Variants in SSR1 observed in about 807,000 individuals in gnomAD.
SSR1 encodes the protein translocon-associated protein subunit alpha.
In SSR1, 13 loss-of-function variants were observed where a neutral mutation model predicts 36.1. The ratio of observed to expected loss-of-function variants is 0.36; its 90% CI spans 0.23 to 0.57. The LOEUF (loss-of-function observed/expected upper bound fraction) is 0.57. Among genes scored for constraint, SSR1 ranks in the 20% least tolerant of loss-of-function variants. The pLI, the probability that SSR1 is intolerant of heterozygous loss-of-function variation, is 0.81. For missense variants in SSR1, 291 were observed against 338.5 expected (o/e 0.86, Z 1.10); for synonymous variants, 113 against 118.9 (o/e 0.95, Z 0.32).
chr6:7,296,202 T>TA (rs1215727970), intron 6 of SSR1, among the ~76,000 whole-genome samples: 12 of 151,494 alleles, frequency 7.9e-5, no homozygotes, highest in Admixed American at 2.0e-4. Flanking sequence ...AGCCTTGCTT[T>TA]AAAAAAAAAC....
intron 7 of SSR1, among the ~76,000 whole-genome samples, chr6:7,290,254 A>G (rs1426738786): frequency 6.6e-5 from 10 of 152,282 alleles, no homozygotes; most frequent in African/African-American, 2.4e-4. Flanking sequence ...ATGCATAAGT[A>G]AACGCTTAAA....
At chr6:7,306,135 A>AT (rs899201357) in intron 2 of SSR1, among the ~76,000 whole-genome samples, 20 of 150,314 alleles carry the variant, frequency 1.3e-4, no homozygotes, top group East Asian at 3.9e-4. Flanking sequence ...TTAAATAACT[A>AT]TTTTTTTTTT....
intron 7 of SSR1, 84 bp downstream of exon 7, chr6:7,295,308 A>C: frequency 7.9e-7 from 1 of 1,269,240 alleles, no homozygotes; most frequent in Non-Finnish European, 1.1e-6. Flanking sequence ...AGTACTGAAA[A>C]AGTTTTTTTT....
intron 2 of SSR1, 123 bp from the exon 3 acceptor site, chr6:7,303,760 CA>C: frequency 4.7e-6 from 3 of 640,336 alleles, no homozygotes; most frequent in Non-Finnish European, 7.9e-6. Context: ...CCGAGGCAGG[CA>C]GATCACCTGA....
At chr6:7,301,738 T>G (rs1757938792) in intron 3 of SSR1, among the ~76,000 whole-genome samples, 166 bp from the exon 4 acceptor site, 1 of 152,224 alleles carries the variant, frequency 6.6e-6, no homozygotes, top group African/African-American at 2.4e-5. Context: ...TTGGTTCAAG[T>G]TGCTGTATAG....
intron 7 of SSR1, among the ~76,000 whole-genome samples, chr6:7,292,085 G>T (rs903011038): frequency 1.3e-5 from 2 of 152,094 alleles, no homozygotes; most frequent in Non-Finnish European, 2.9e-5. Flanking sequence ...AAAAAAAACA[G>T]ATGTGTAGCT....
chr6:7,313,138 G>GTCCAGTT lies in SSR1; in HGVS notation c.-25_-19dup, dbSNP rs1436737267. The stretch of plus-strand genomic sequence containing the variant: ...AGTCTCATGGCGCTGCCGGTCCAGT[G>GTCCAGTT]TCCAGTTTCCGTCGGCTAAGGCTCT... On this transcript the variant is annotated 5_prime_UTR_variant, in exon 1 of 8. Coordinates refer to ENST00000244763, the MANE Select transcript of SSR1 (RefSeq NM_003144.5). 2.3e-5 allele frequency: 36 copies of GTCCAGTT among 1,596,258 alleles called. No homozygotes were observed. The highest frequency in any genetic ancestry group is 3.0e-5 in the Non-Finnish European group (35 of 1,171,260).
At chr6:7,301,815 A>C (rs1293032844) in intron 3 of SSR1, among the ~76,000 whole-genome samples, 1 of 152,204 alleles carries the variant, frequency 6.6e-6, no homozygotes, top group Non-Finnish European at 1.5e-5. Context: ...TCAATTTCAG[A>C]CCAGATCACA....
At chr6:7,304,637 C>T (rs1758011282) in intron 2 of SSR1, among the ~76,000 whole-genome samples, 2 of 152,152 alleles carry the variant, frequency 1.3e-5, no homozygotes, top group Admixed American at 6.5e-5. Flanking sequence ...TTTTATGATA[C>T]ATAAACTGTA....
At chr6:7,304,288 T>G (rs1408752) in intron 2 of SSR1, among the ~76,000 whole-genome samples, 3 of 152,108 alleles carry the variant, frequency 2.0e-5, no homozygotes, top group Non-Finnish European at 2.9e-5. Flanking sequence ...ATAGCAGATA[T>G]GGCCTTGCAG....
chr6:7,298,146 C>T (rs1289223387), intron 5 of SSR1, 145 bp from the exon 6 acceptor site: 3 of 562,458 alleles, frequency 5.3e-6, no homozygotes, highest in Non-Finnish European at 9.0e-6. Context: ...CAACTTAAAT[C>T]CAGGTAGTTA....
intron 7 of SSR1, among the ~76,000 whole-genome samples, chr6:7,294,844 T>C (rs906026396): frequency 2.0e-5 from 3 of 152,214 alleles, no homozygotes; most frequent in Non-Finnish European, 4.4e-5. Context: ...GAAACATTTC[T>C]ATATTCTTTT....
At chr6:7,299,901 A>G (rs2113286952) in intron 4 of SSR1, among the ~76,000 whole-genome samples, 1 of 152,256 alleles carries the variant, frequency 6.6e-6, no homozygotes, top group South Asian at 2.1e-4. Flanking sequence ...TTATTGCTAA[A>G]CTGTAATTAT....
At position 7,284,232 on chromosome 6, in the gene SSR1, G is replaced by T. The variant is rs1241576827; in HGVS notation, c.*5632C>A. The T allele has an allele frequency of 6.6e-6, 1 of 152,148 alleles. No individual in the cohort carries two copies. Among genetic ancestry groups the T allele is most frequent in the African/African-American group, 2.4e-5 (1 of 41,422 alleles). 9.4% of individuals were successfully genotyped at this position (152,148 alleles called of 1,614,324 possible). On this transcript the variant is annotated 3_prime_UTR_variant, in exon 8 of 8. Transcript: ENST00000244763. ...ACATGAACCCCAACAGCTTCACTGA[G>T]AAATATGGAGCCTCTTCAAACGTGT...
chr6:7,312,116 G>C (rs1284542454), intron 1 of SSR1, among the ~76,000 whole-genome samples: 1 of 152,174 alleles, frequency 6.6e-6, no homozygotes, highest in African/African-American at 2.4e-5. Flanking sequence ...AGAATGAAAG[G>C]GATGCTTAGT....
At position 7,281,822 on chromosome 6, in the gene SSR1, CTG is replaced by C. The variant is rs1757425835; in HGVS notation, c.*8040_*8041del. On this transcript the variant is annotated 3_prime_UTR_variant, in exon 8 of 8. Transcript: ENST00000244763. The stretch of plus-strand genomic sequence containing the variant: ...TGTTGGTTTGGCGTTACAATAAACA[CTG>C]TAAGTGAAAATGAGTCACAGGCAGT... The C allele has an allele frequency of 6.6e-6, 1 of 152,174 alleles. No individual in the cohort carries two copies. Among genetic ancestry groups the C allele is most frequent in the Admixed American group, 6.5e-5 (1 of 15,276 alleles). The allele number at this position is 152,174 out of a possible 1,614,324, so 9.4% of individuals were successfully genotyped here.
intron 7 of SSR1, among the ~76,000 whole-genome samples, chr6:7,291,908 C>A (rs7452992): frequency 0.37 from 55,965 of 151,576 alleles, 10,368 homozygotes; most frequent in South Asian, 0.43. Context: ...CCCCTCCCTA[C>A]AACAAATATA....
chr6:7,308,596 T>C (rs552177618), intron 2 of SSR1, among the ~76,000 whole-genome samples: 1 of 152,292 alleles, frequency 6.6e-6, no homozygotes, highest in Admixed American at 6.5e-5. Flanking sequence ...TCCAGCCCAA[T>C]ATTCTTACTG....
chr6:7,307,693 C>T (rs1420643869), intron 2 of SSR1, among the ~76,000 whole-genome samples: 2 of 152,232 alleles, frequency 1.3e-5, no homozygotes, highest in Non-Finnish European at 2.9e-5. Flanking sequence ...CCACCAGACT[C>T]AGCTAATTTT....
Sources: gnomAD v4.1 joint callset for allele counts (sites outside exome capture counted in the v4.1 genomes callset) on GRCh38, gnomAD v4.1.1 for gene constraint, MANE v1.5 for transcripts, NCBI Gene and HGNC (gene_info 2026-07-23, HGNC 2026-07-21) for gene names.